LGR4: variants seen among roughly 807,000 people sequenced by gnomAD.
The protein encoded by LGR4 is leucine-rich repeat-containing G protein-coupled receptor 4.
Under a neutral mutation model 84.8 loss-of-function variants are expected in LGR4, and 44 were observed. The ratio of observed to expected loss-of-function variants is 0.52; its 90% confidence interval spans 0.41 to 0.67. The LOEUF is 0.67. Ranked by LOEUF, LGR4 falls within the 30% of genes least tolerant of loss-of-function variation. The pLI is 0.00. For synonymous variants in LGR4, 429 were observed against 434.3 expected, an observed-to-expected ratio of 0.99 and a Z score of 0.15; for missense variants, 1,032 against 1,131.4, an observed-to-expected ratio of 0.91 and a Z score of 1.26.
intron 1 of LGR4, among the ~76,000 whole-genome samples, chr11:27,421,513 G>T (rs1361341024): frequency 6.6e-6 from 1 of 152,160 alleles, no homozygotes. Flanking sequence ...ACATTTAAGG[G>T]TGTGTTCTTC....
intron 1 of LGR4, among the ~76,000 whole-genome samples, chr11:27,437,867 G>T (rs1263144318): frequency 6.6e-6 from 1 of 152,060 alleles, no homozygotes; most frequent in Non-Finnish European, 1.5e-5. Context: ...CAGCCAGGAG[G>T]GGTGGCGTGC....
chr11:27,421,285 T>C (rs1171539239), intron 1 of LGR4, among the ~76,000 whole-genome samples: 1 of 152,204 alleles, frequency 6.6e-6, no homozygotes, highest in African/African-American at 2.4e-5. Flanking sequence ...TGCATAATTA[T>C]GGAACCCTAA....
chr11:27,384,890 G>GA, intron 5 of LGR4, among the ~76,000 whole-genome samples: 1 of 152,108 alleles, frequency 6.6e-6, no homozygotes, highest in Non-Finnish European at 1.5e-5. Context: ...CTCTGAACAA[G>GA]TGGAAAACAC....
At chr11:27,411,833 C>T (rs930102952) in intron 2 of LGR4, among the ~76,000 whole-genome samples, 1 of 152,094 alleles carries the variant, frequency 6.6e-6, no homozygotes, top group Admixed American at 6.6e-5. Flanking sequence ...TCCCCATTCT[C>T]TAGGGGAGTG....
chr11:27,447,179 T>TATA lies in LGR4; in HGVS notation c.185+24936_185+24938dup, dbSNP rs573204253. 5.2e-4 allele frequency among the ~76,000 whole-genome samples: 79 copies of TATA among 151,776 alleles called. No individual in the cohort carries two copies. In the East Asian group the frequency reaches 9.7e-3, roughly 19 times the overall value. On this transcript the variant is annotated intron_variant, in intron 1 of 17. Coordinates refer to ENST00000379214, the MANE Select transcript of LGR4 (RefSeq NM_018490.5). ...TACACATGTACCCTAGAACTTAAAGTATAATAATAATAATAAAAAAAAGCG... is the reference window on the plus strand; with the variant it reads ...TACACATGTACCCTAGAACTTAAAGTATAATAATAATAATAATAAAAAAAAGCG...
At chr11:27,430,679 G>A (rs554264557) in intron 1 of LGR4, among the ~76,000 whole-genome samples, 7 of 151,960 alleles carry the variant, frequency 4.6e-5, no homozygotes, top group South Asian at 2.1e-4. Flanking sequence ...CATCTCTCCC[G>A]GGACCACGAC....
intron 1 of LGR4, among the ~76,000 whole-genome samples, chr11:27,441,757 C>A (rs1255443334): frequency 1.3e-5 from 2 of 152,022 alleles, no homozygotes; most frequent in African/African-American, 2.4e-5. Flanking sequence ...ACAGGGCTCA[C>A]CAATGTGATG....
At chr11:27,434,191 GT>G (rs1864166273) in intron 1 of LGR4, among the ~76,000 whole-genome samples, 1 of 152,238 alleles carries the variant, frequency 6.6e-6, no homozygotes, top group Non-Finnish European at 1.5e-5. Context: ...GGCCAGGACA[GT>G]GAGGGATCTG....
chr11:27,447,124 T>C (rs1864405129), intron 1 of LGR4, among the ~76,000 whole-genome samples: 1 of 152,012 alleles, frequency 6.6e-6, no homozygotes, highest in Non-Finnish European at 1.5e-5. Flanking sequence ...ACATGGCACA[T>C]GTATACATAT....
chr11:27,374,540 A>C (rs1231800399), intron 13 of LGR4, among the ~76,000 whole-genome samples: 1 of 152,178 alleles, frequency 6.6e-6, no homozygotes, highest in East Asian at 1.9e-4. Flanking sequence ...CGATATAAAA[A>C]TTGCATCAAC....
intron 1 of LGR4, among the ~76,000 whole-genome samples, chr11:27,471,218 C>G (rs1344124965): frequency 6.6e-6 from 1 of 152,202 alleles, no homozygotes; most frequent in Non-Finnish European, 1.5e-5. Context: ...TCCGTTTTGG[C>G]AGGGCGATTT....
At chr11:27,380,539 T>A (rs1458584592) in intron 9 of LGR4, 101 bp downstream of exon 9, 1 of 913,814 alleles carries the variant, frequency 1.1e-6, no homozygotes, top group Non-Finnish European at 1.7e-6. Context: ...GAGAAAAAAA[T>A]TTTAAAGATT....
chr11:27,429,656 AAT>A (rs1864083456), intron 1 of LGR4, among the ~76,000 whole-genome samples: 1 of 152,320 alleles, frequency 6.6e-6, no homozygotes, highest in East Asian at 1.9e-4. Context: ...ATCATTTGTC[AAT>A]ATGTTTATCA....
Position 27,368,081 on chromosome 11 carries a change from C to T in LGR4, c.2642G>A (p.Cys881Tyr). Residue 881 changes from cysteine (C) to tyrosine (Y), a missense_variant, in exon 18 of 18, where the codon TGT (cysteine) becomes TAT (tyrosine). Transcript: ENST00000379214. ...GCAAGAAGCCACTGCCAATGCAGGA[C>T]AGCTGTGTGATTTTATCAAGTGTTT... ...SCKHLIKSHS[C>Y]PALAVASCQR... The T allele has an allele frequency of 6.2e-7, 1 of 1,614,066 alleles. No homozygotes were observed. Among genetic ancestry groups the T allele is most frequent in the Non-Finnish European group, 8.5e-7 (1 of 1,179,992 alleles).
chr11:27,461,450 C>A (rs766010120), intron 1 of LGR4, among the ~76,000 whole-genome samples: 6 of 152,010 alleles, frequency 3.9e-5, no homozygotes, highest in Non-Finnish European at 8.8e-5. Flanking sequence ...ATTTCTAGAA[C>A]CAAAGTGATG....
At chr11:27,382,806 C>T (rs953852366) in intron 6 of LGR4, among the ~76,000 whole-genome samples, 2 of 152,074 alleles carry the variant, frequency 1.3e-5, no homozygotes, top group South Asian at 4.1e-4. Context: ...ATCATGAGGT[C>T]AAGAGATCGA....
chr11:27,425,421 C>T (rs758743329), intron 1 of LGR4, among the ~76,000 whole-genome samples: 2 of 151,734 alleles, frequency 1.3e-5, no homozygotes, highest in Non-Finnish European at 2.9e-5. Context: ...GCCTCGACCT[C>T]CTGGTCTCAA....
intron 1 of LGR4, among the ~76,000 whole-genome samples, chr11:27,469,597 T>C (rs1864835222): frequency 6.6e-6 from 1 of 152,158 alleles, no homozygotes; most frequent in Admixed American, 6.5e-5. Flanking sequence ...AAAGCACTAC[T>C]CCAGGACAAG....
chr11:27,407,143 C>T (rs1301912393), intron 2 of LGR4, among the ~76,000 whole-genome samples: 1 of 152,106 alleles, frequency 6.6e-6, no homozygotes, highest in African/African-American at 2.4e-5. Flanking sequence ...ATATTCCCAT[C>T]TGTAAAATGG....
Sources: allele counts gnomAD v4.1 joint callset (sites outside exome capture counted in the v4.1 genomes callset), GRCh38; gene constraint gnomAD v4.1.1; transcripts MANE v1.5; gene names NCBI Gene and HGNC (gene_info 2026-07-23, HGNC 2026-07-21).